Variants in CCSER1 observed in about 807,000 individuals in gnomAD.
CCSER1 encodes coiled-coil serine rich protein 1, also known as serine-rich coiled-coil domain-containing protein 1.
CCSER1 carries 41 observed loss-of-function variants against 82.0 expected under a neutral mutation model. The observed-to-expected ratio is 0.50, with a 90% CI of 0.39 to 0.65. The LOEUF (loss-of-function observed/expected upper bound fraction) is 0.65. Ranked by LOEUF, CCSER1 falls within the 30% of genes least tolerant of loss-of-function variation. The pLI, the probability that CCSER1 is intolerant of heterozygous loss-of-function variation, is 0.00. For synonymous variants in CCSER1, 414 were observed against 383.9 expected (o/e 1.08, Z -0.92); for missense variants, 1,119 against 1,064.2 (o/e 1.05, Z -0.72).
intron 1 of CCSER1, among the ~76,000 whole-genome samples, chr4:90,291,677 T>C (rs1485733985): frequency 6.6e-6 from 1 of 152,022 alleles, no homozygotes; most frequent in Non-Finnish European, 1.5e-5. Flanking sequence ...ATTTGTTGTA[T>C]CTCCTTTATT....
intron 5 of CCSER1, among the ~76,000 whole-genome samples, chr4:90,550,115 G>T (rs749653697): frequency 6.6e-6 from 1 of 152,220 alleles, no homozygotes; most frequent in African/African-American, 2.4e-5. Context: ...AGGGAAGGGG[G>T]TCCCAGGGGA....
intron 10 of CCSER1, among the ~76,000 whole-genome samples, chr4:91,150,280 T>C (rs1356058947): frequency 6.6e-6 from 1 of 152,210 alleles, no homozygotes; most frequent in Non-Finnish European, 1.5e-5. Context: ...GCTCTCTGTT[T>C]GTCTGTTGTT....
At chr4:90,264,709 G>A (rs1436038967) in intron 1 of CCSER1, among the ~76,000 whole-genome samples, 1 of 151,596 alleles carries the variant, frequency 6.6e-6, no homozygotes, top group African/African-American at 2.4e-5. Flanking sequence ...ATCCTGGATG[G>A]TTGAGTTTGC....
chr4:90,947,238 A>G (rs1732364075), intron 9 of CCSER1, among the ~76,000 whole-genome samples: 1 of 152,184 alleles, frequency 6.6e-6, no homozygotes. Context: ...CTACTATTTT[A>G]TCTGTTTTTC....
intron 10 of CCSER1, among the ~76,000 whole-genome samples, chr4:91,275,660 C>T (rs1314007795): frequency 6.6e-6 from 1 of 152,116 alleles, no homozygotes; most frequent in East Asian, 1.9e-4. Flanking sequence ...TTTTGCTGTG[C>T]AGAAGCTTTT....
chr4:90,578,188 C>T (rs1780985021), intron 5 of CCSER1, among the ~76,000 whole-genome samples: 1 of 151,692 alleles, frequency 6.6e-6, no homozygotes. Flanking sequence ...TATACTTCTT[C>T]TGTAATAAAT....
At position 90,595,330 on chromosome 4, in the gene CCSER1, G is replaced by A. The variant is rs375553216; in HGVS notation, c.1725-32695G>A. On this transcript the variant is annotated intron_variant, in intron 5 of 10. Transcript: ENST00000509176. Reference sequence around the variant, plus strand: ...TTTTTATATTGAAATAAACTAATAAGAACGTTTAGTGTTTGAAAATTATGG... The same window carrying A: ...TTTTTATATTGAAATAAACTAATAAAAACGTTTAGTGTTTGAAAATTATGG... Among the ~76,000 whole-genome samples the A allele has an allele frequency of 1.9e-4, 29 of 151,976 alleles. No homozygotes were observed. In the South Asian group the frequency reaches 3.7e-3, roughly 20 times the overall value.
At chr4:90,378,057 T>G (rs1748641034) in intron 3 of CCSER1, among the ~76,000 whole-genome samples, 1 of 152,182 alleles carries the variant, frequency 6.6e-6, no homozygotes, top group Non-Finnish European at 1.5e-5. Context: ...CTTATTCATT[T>G]GGCAAGTATT....
At chr4:90,266,934 C>A (rs1725347248) in intron 1 of CCSER1, among the ~76,000 whole-genome samples, 1 of 151,612 alleles carries the variant, frequency 6.6e-6, no homozygotes, top group African/African-American at 2.4e-5. Flanking sequence ...TAAGGAGAGG[C>A]CTCTTCTGCT....
chr4:90,778,565 C>T (rs193143549), intron 7 of CCSER1, among the ~76,000 whole-genome samples: 48 of 149,386 alleles, frequency 3.2e-4, no homozygotes, highest in Middle Eastern at 3.5e-3. Context: ...CATACACTAA[C>T]ATATTTTTTA....
At chr4:90,419,709 C>T (rs1312816661) in intron 4 of CCSER1, among the ~76,000 whole-genome samples, 2 of 151,810 alleles carry the variant, frequency 1.3e-5, no homozygotes, top group Non-Finnish European at 3.0e-5. Flanking sequence ...TTTTTAAAAA[C>T]TATTATTGTA....
chr4:91,541,797 C>T (rs896012387), intron 10 of CCSER1, among the ~76,000 whole-genome samples: 3 of 152,114 alleles, frequency 2.0e-5, no homozygotes, highest in African/African-American at 4.8e-5. Flanking sequence ...CCTGAGGAAT[C>T]GCCACACTGT....
At chr4:90,892,343 A>G (rs1396040237) in intron 8 of CCSER1, among the ~76,000 whole-genome samples, 1 of 152,064 alleles carries the variant, frequency 6.6e-6, no homozygotes, top group East Asian at 1.9e-4. Context: ...GATTAGGATT[A>G]CATATACAAA....
chr4:90,238,767 T>C (rs1031339647), intron 1 of CCSER1, among the ~76,000 whole-genome samples: 6 of 152,184 alleles, frequency 3.9e-5, no homozygotes, highest in Non-Finnish European at 5.9e-5. Flanking sequence ...TTTTGTTTTG[T>C]TTTGTCTGTA....
chr4:91,379,320 G>A (rs1750685412), intron 10 of CCSER1, among the ~76,000 whole-genome samples: 1 of 152,158 alleles, frequency 6.6e-6, no homozygotes. Flanking sequence ...AGTTTCAGAA[G>A]GAATGGTCCC....
intron 9 of CCSER1, among the ~76,000 whole-genome samples, chr4:90,979,715 G>A (rs1355282737): frequency 2.6e-5 from 4 of 151,778 alleles, no homozygotes; most frequent in African/African-American, 9.7e-5. Flanking sequence ...GATTGTGGAA[G>A]GCATGGCCAT....
At chr4:90,302,025 G>A in intron 1 of CCSER1, among the ~76,000 whole-genome samples, 1 of 152,174 alleles carries the variant, frequency 6.6e-6, no homozygotes, top group East Asian at 1.9e-4. Flanking sequence ...TAATAAATAT[G>A]CATCTCTAAA....
intron 1 of CCSER1, among the ~76,000 whole-genome samples, chr4:90,257,213 TTA>T (rs72437251): frequency 0.029 from 4,385 of 150,100 alleles, 211 homozygotes; most frequent in East Asian, 0.23. Context: ...AAATGAAATG[TTA>T]TATATATATA....
chr4:91,022,707 TG>T (rs965196891), intron 9 of CCSER1, among the ~76,000 whole-genome samples: 17 of 152,336 alleles, frequency 1.1e-4, no homozygotes, highest in African/African-American at 4.1e-4. Flanking sequence ...CCATTCTAAC[TG>T]GTGTGAAATG....
Sources: gnomAD v4.1 joint callset for allele counts (sites outside exome capture counted in the v4.1 genomes callset) on GRCh38, gnomAD v4.1.1 for gene constraint, MANE v1.5 for transcripts, NCBI Gene and HGNC (gene_info 2026-07-23, HGNC 2026-07-21) for gene names.